Variants in PFKFB3 observed in about 807,000 individuals in gnomAD.
PFKFB3 encodes the protein 6-phosphofructo-2-kinase/fructose-2,6-bisphosphatase 3.
In PFKFB3, 33 loss-of-function variants were observed where a neutral mutation model predicts 68.0. That is an observed-to-expected ratio of 0.49 (90% CI 0.37 to 0.65). The LOEUF (loss-of-function observed/expected upper bound fraction) is 0.65. Among genes scored for constraint, PFKFB3 ranks in the 30% least tolerant of loss-of-function variants. PFKFB3 has a pLI of 0.00. For missense variants in PFKFB3, 586 were observed against 712.2 expected, an observed-to-expected ratio of 0.82 and a Z score of 2.02; for synonymous variants, 315 against 288.2, an observed-to-expected ratio of 1.09 and a Z score of -0.94.
intron 1 of PFKFB3, among the ~76,000 whole-genome samples, chr10:6,209,499 A>G (rs888396440): frequency 6.6e-6 from 1 of 151,580 alleles, no homozygotes; most frequent in Non-Finnish European, 1.5e-5. Flanking sequence ...TTTGAGACAG[A>G]GTTTTGCTCT....
At position 6,220,400 on chromosome 10, in the gene PFKFB3, C is replaced by T. The variant is rs889162844; in HGVS notation, c.624-258C>T. Reference sequence around the variant, plus strand: ...TTACAGGCATGAGCCACTGCACAGGCCCCTTTCTTTTTTTCTCCATTTTCT... The same window carrying T: ...TTACAGGCATGAGCCACTGCACAGGTCCCTTTCTTTTTTTCTCCATTTTCT... On this transcript the variant is annotated intron_variant, in intron 7 of 14. Coordinates refer to ENST00000379775, the MANE Select transcript of PFKFB3 (RefSeq NM_004566.4). This position sits in a 1 kb window ranked among gnomAD's most constrained non-coding sequence, Gnocchi z 4.1. 2.0e-5 allele frequency among the ~76,000 whole-genome samples: 3 copies of T among 152,164 alleles called. No homozygotes were observed. The highest frequency in any genetic ancestry group is 3.8e-4 in the East Asian group (2 of 5,202).
the PFKFB3 span, chr10:6,294,302 C>T: frequency 4.2e-6 from 2 of 470,724 alleles, no homozygotes; most frequent in South Asian, 1.6e-5. Flanking sequence ...TAAAGACATA[C>T]CTGAGACTTG....
chr10:6,240,241 A>G (rs1846110393), downstream of PFKFB3, among the ~76,000 whole-genome samples: 1 of 86,376 alleles, frequency 1.2e-5, no homozygotes, highest in African/African-American at 3.9e-5. Context: ...AAAACTTTTT[A>G]TTTTGAAATA....
chr10:6,254,118 C>G, intron 14 of PFKFB3: 13 of 318,466 alleles, frequency 4.1e-5, no homozygotes, highest in East Asian at 1.5e-4. Context: ...TTTTTTTTCT[C>G]TTTAGCCCTT....
the PFKFB3 span, among the ~76,000 whole-genome samples, chr10:6,274,807 G>T: frequency 1.3e-5 from 2 of 151,788 alleles, no homozygotes; most frequent in Non-Finnish European, 2.9e-5. Flanking sequence ...CTGCACTCCA[G>T]GTTGGGTGAC....
the PFKFB3 span, among the ~76,000 whole-genome samples, chr10:6,290,783 C>A: frequency 6.6e-6 from 1 of 152,152 alleles, no homozygotes. Flanking sequence ...GGATTACAGG[C>A]ATAAGCCACC....
At chr10:6,202,776 C>A, upstream of PFKFB3, 1 of 665,688 alleles carries the variant, frequency 1.5e-6, no homozygotes, top group Non-Finnish European at 1.9e-6. Context: ...GTCGCCGGCC[C>A]GCAGGGGGAG....
chr10:6,232,123 G>A (rs1343077777), intron 14 of PFKFB3, among the ~76,000 whole-genome samples: 1 of 152,214 alleles, frequency 6.6e-6, no homozygotes, highest in Non-Finnish European at 1.5e-5. Flanking sequence ...GGAGAGAATA[G>A]TTTTAAACAT....
At chr10:6,297,571 G>A in the PFKFB3 span, among the ~76,000 whole-genome samples, 2 of 152,146 alleles carry the variant, frequency 1.3e-5, no homozygotes, top group Non-Finnish European at 2.9e-5. Flanking sequence ...AGCACCGTTG[G>A]AGGGAAGCAA....
intron 1 of PFKFB3, among the ~76,000 whole-genome samples, chr10:6,183,612 A>T (rs976614339): frequency 1.3e-4 from 7 of 55,230 alleles, no homozygotes; most frequent in African/African-American, 3.3e-4. Flanking sequence ...AAAAAAAAAA[A>T]AAATATATAT....
chr10:6,267,974 A>AAAAT, the PFKFB3 span, among the ~76,000 whole-genome samples: 1 of 151,556 alleles, frequency 6.6e-6, no homozygotes, highest in South Asian at 2.1e-4. Flanking sequence ...AAAAAAAAAA[A>AAAAT]AAATCAAATT....
At chr10:6,323,062 T>C in the PFKFB3 span, among the ~76,000 whole-genome samples, 1 of 152,210 alleles carries the variant, frequency 6.6e-6, no homozygotes, top group Non-Finnish European at 1.5e-5. Context: ...AATCCCTCTG[T>C]GGATCATTCA....
chr10:6,151,863 C>T (rs900804169), intron 1 of PFKFB3, among the ~76,000 whole-genome samples: 9 of 151,992 alleles, frequency 5.9e-5, no homozygotes, highest in African/African-American at 9.6e-5. Context: ...GGCTGTCGGG[C>T]GGCAGGCACT....
chr10:6,257,084 G>A (rs760381877), downstream of PFKFB3, among the ~76,000 whole-genome samples: 2 of 151,710 alleles, frequency 1.3e-5, no homozygotes, highest in African/African-American at 4.8e-5. Flanking sequence ...CTCACAATTC[G>A]TTCCCAACAG....
Position 6,216,797 on chromosome 10 carries a change from G to C in PFKFB3, c.441+17G>C. ...GACTTTAAGGTGAGCTGAGCGTCTT[G>C]TGTTGTGCTAGAGGGCTCGGGAGAG... On this transcript the variant is annotated intron_variant, in intron 5 of 14. Transcript: ENST00000379775. 1.3e-6 allele frequency: 2 copies of C among 1,597,660 alleles called. No individual in the cohort carries two copies. Among genetic ancestry groups the C allele is most frequent in the Non-Finnish European group, 1.7e-6 (2 of 1,164,974 alleles).
At chr10:6,261,047 A>G in the PFKFB3 span, among the ~76,000 whole-genome samples, 3,319 of 152,278 alleles carry the variant, frequency 0.022, 168 homozygotes, top group East Asian at 0.2. Flanking sequence ...CTTCACCATC[A>G]CTTGGTACCA....
At chr10:6,235,594 G>A (rs976628454), downstream of PFKFB3, 8 of 152,220 alleles carry the variant, frequency 5.3e-5, no homozygotes, top group African/African-American at 1.9e-4. Flanking sequence ...TGATGTTTAC[G>A]GCAGATGCGC....
intron 1 of PFKFB3, among the ~76,000 whole-genome samples, chr10:6,212,041 C>T (rs1001583292): frequency 2.0e-5 from 3 of 152,244 alleles, no homozygotes; most frequent in African/African-American, 7.2e-5. Flanking sequence ...CTGCTCAGCT[C>T]GGACATCAGG....
intron 1 of PFKFB3, among the ~76,000 whole-genome samples, chr10:6,212,254 C>G (rs1314351542): frequency 2.0e-5 from 3 of 152,240 alleles, no homozygotes; most frequent in Non-Finnish European, 2.9e-5. Flanking sequence ...CGGGAGTTGC[C>G]TGAGACTCCC....
Sources: gnomAD v4.1 joint callset for allele counts (sites outside exome capture counted in the v4.1 genomes callset) on GRCh38, gnomAD v4.1.1 for gene constraint, Gnocchi (gnomAD v3.1) non-coding constraint, MANE v1.5 for transcripts, NCBI Gene and HGNC (gene_info 2026-07-23, HGNC 2026-07-21) for gene names.